Variants in BANP observed in about 807,000 individuals in gnomAD.
BANP encodes protein BANP.
Under a neutral mutation model 68.1 loss-of-function variants are expected in BANP, and 11 were observed. The observed-to-expected ratio is 0.16, with a 90% CI of 0.10 to 0.27. The LOEUF (loss-of-function observed/expected upper bound fraction) is 0.27, where lower values mean the gene tolerates loss of function less well. BANP is among the 10% of genes least tolerant of loss of function. The pLI is 1.00. For synonymous variants in BANP, 329 were observed against 303.2 expected, an observed-to-expected ratio of 1.09 and a Z score of -0.88; for missense variants, 504 against 722.7, an observed-to-expected ratio of 0.70 and a Z score of 3.47.
chr16:88,018,769 G>A lies in BANP; in HGVS notation c.895+102G>A. On this transcript the variant is annotated intron_variant, in intron 7 of 13. Coordinates refer to ENST00000682872, the MANE Select transcript of BANP (RefSeq NM_001386991.1). This position sits in a 1 kb window ranked among gnomAD's most constrained non-coding sequence, Gnocchi z 7.7. ...CTGGCATCAGTAGCACCGGCACGGG[G>A]CTGCGTTTCTCCAGGCGGTTTGAAA... The A allele has an allele frequency of 7.1e-7, 1 of 1,404,532 alleles. No individual in the cohort carries two copies. The highest frequency in any genetic ancestry group is 9.5e-7 in the Non-Finnish European group (1 of 1,050,232). The allele number at this position is 1,404,532 out of a possible 1,614,324, so 87.0% of individuals were successfully genotyped here.
At chr16:87,986,243 C>T (rs1281285355) in intron 4 of BANP, among the ~76,000 whole-genome samples, 11 of 152,348 alleles carry the variant, frequency 7.2e-5, no homozygotes, top group South Asian at 2.1e-4. Flanking sequence ...TGCGTGCTGG[C>T]GGACAGCTGC....
intron 11 of BANP, among the ~76,000 whole-genome samples, chr16:88,046,780 A>G (rs2082113610): frequency 6.6e-6 from 1 of 151,852 alleles, no homozygotes; most frequent in Admixed American, 6.6e-5. Flanking sequence ...AATCCATATC[A>G]TGTTGGCCGG....
At chr16:88,052,007 T>C (rs2083368478) in intron 11 of BANP, among the ~76,000 whole-genome samples, 1 of 152,228 alleles carries the variant, frequency 6.6e-6, no homozygotes, top group African/African-American at 2.4e-5. Context: ...CTGGAATTGG[T>C]AGCTGCTACT....
At chr16:88,068,266 TCCTGGCGGTCACCTGGTTGGCGTGAA>T (rs1323119604) in intron 12 of BANP, among the ~76,000 whole-genome samples, 1 of 152,224 alleles carries the variant, frequency 6.6e-6, no homozygotes, top group Non-Finnish European at 1.5e-5. Context: ...GGCTTGGGTT[TCCTGGCGGTCACCTGGTTGGCGTGAA>T]CCTTGGGCGT....
chr16:88,059,429 T>C (rs951738448), intron 11 of BANP, among the ~76,000 whole-genome samples: 2 of 152,182 alleles, frequency 1.3e-5, no homozygotes, highest in East Asian at 3.9e-4. Context: ...CGGGCCCACC[T>C]GAGCCCAGTG....
rs529274864 is a variant in BANP, at chr16:88,076,799, G to T, written c.*138G>T. 6 of 689,468 alleles carry T rather than the reference G, an allele frequency of 8.7e-6. No homozygotes were observed. Among genetic ancestry groups the T allele is most frequent in the South Asian group, 5.8e-5 (3 of 51,600 alleles). 42.7% of individuals were successfully genotyped at this position (689,468 alleles called of 1,614,324 possible). A position where few individuals can be genotyped will look rare whatever the true frequency, so the allele number is the denominator to read the frequency against. On this transcript the variant is annotated 3_prime_UTR_variant, in exon 14 of 14. Transcript: ENST00000682872. Reference sequence around the variant, plus strand: ...TGCGTCTGAAGGCCGCTGCCTCCGCGGGGAACAGCATCCTATCAACTGAAA... The same window carrying T: ...TGCGTCTGAAGGCCGCTGCCTCCGCTGGGAACAGCATCCTATCAACTGAAA...
At chr16:88,020,552 T>C (rs1224023361) in intron 7 of BANP, among the ~76,000 whole-genome samples, 1 of 152,058 alleles carries the variant, frequency 6.6e-6, no homozygotes, top group African/African-American at 2.4e-5. Context: ...AGAGGTGGCA[T>C]TGTGGGGTGT....
At chr16:88,027,812 C>A (rs1185787242) in intron 8 of BANP, among the ~76,000 whole-genome samples, 162 bp downstream of exon 8, 3 of 152,266 alleles carry the variant, frequency 2.0e-5, no homozygotes, top group African/African-American at 7.2e-5. Flanking sequence ...GCCGCAGGAC[C>A]TGTGCCTGGC....
chr16:87,967,660 C>A (rs1416466625), intron 1 of BANP, among the ~76,000 whole-genome samples: 4 of 141,808 alleles, frequency 2.8e-5, no homozygotes, highest in Non-Finnish European at 6.0e-5. Flanking sequence ...CTCACTCTGT[C>A]GCCCAGGCTG....
intron 11 of BANP, among the ~76,000 whole-genome samples, chr16:88,044,553 C>T (rs2081525274): frequency 6.6e-6 from 1 of 152,336 alleles, no homozygotes; most frequent in Middle Eastern, 3.4e-3. Flanking sequence ...TTGCAACCCA[C>T]ACTTTGAAAA....
At chr16:87,949,857 T>C (rs2056634463), upstream of BANP, 1 of 151,918 alleles carries the variant, frequency 6.6e-6, no homozygotes, top group Non-Finnish European at 1.5e-5. Context: ...AGGTAAAGCA[T>C]TTTGTTTTTC....
chr16:87,951,461 G>A lies in BANP; in HGVS notation c.-123G>A, dbSNP rs1157604111. 4 of 152,258 alleles carry A rather than the reference G, an allele frequency of 2.6e-5. No homozygotes were observed. In the East Asian group the frequency reaches 7.8e-4, roughly 30 times the overall value. 9.4% of individuals were successfully genotyped at this position (152,258 alleles called of 1,614,324 possible). On this transcript the variant is annotated 5_prime_UTR_variant, in exon 1 of 14. Coordinates refer to ENST00000682872, the MANE Select transcript of BANP (RefSeq NM_001386991.1). ...AGCGGCGGCTTCTCTCGCGAGGACG[G>A]ACGCCATTATCGCATCTCCCCGACA...
chr16:88,003,686 T>C lies in BANP; in HGVS notation c.363-609T>C. ...CCATGGTCTGTTCTTTTGTAGAATC[T>C]TTTCCTTCAAAGCAGAACCCTGAGC... On this transcript the variant is annotated intron_variant, in intron 4 of 13. Transcript: ENST00000682872. The surrounding 1 kb of genome is among the most constrained non-coding windows in gnomAD (Gnocchi z 6.1). 2.8e-6 allele frequency: 1 copy of C among 358,598 alleles called. No individual in the cohort carries two copies. Among genetic ancestry groups the C allele is most frequent in the South Asian group, 2.1e-5 (1 of 47,262 alleles). The allele number at this position is 358,598 out of a possible 1,614,324, so 22.2% of individuals were successfully genotyped here.
rs145901352 is a variant in BANP at position 87,966,093 on chromosome 16, C to A, written c.-68-8955C>A. 3.1e-3 allele frequency among the ~76,000 whole-genome samples: 468 copies of A among 152,356 alleles called. 1 individual carries two copies. Among genetic ancestry groups the A allele is most frequent in the African/African-American group, 0.011 (449 of 41,582 alleles). ...CGCTGTGCAGCTTTCCATTTGTATG[C>A]CTTCCTTTTGCTATCATATTCTGGA... On this transcript the variant is annotated intron_variant, in intron 1 of 13. Coordinates refer to ENST00000682872, the MANE Select transcript of BANP (RefSeq NM_001386991.1).
intron 8 of BANP, among the ~76,000 whole-genome samples, chr16:88,030,368 T>TA (rs1173715772): frequency 6.6e-6 from 1 of 152,090 alleles, no homozygotes; most frequent in Non-Finnish European, 1.5e-5. Flanking sequence ...ATAGAAGACA[T>TA]AAAAAAGAAC....
At chr16:87,978,442 C>T in intron 2 of BANP, 1 of 352,134 alleles carries the variant, frequency 2.8e-6, no homozygotes, top group East Asian at 7.5e-5. Flanking sequence ...TCTTCCAGGC[C>T]TTGTGTGATG....
chr16:87,986,188 G>A (rs2064368688), intron 4 of BANP, among the ~76,000 whole-genome samples: 1 of 152,158 alleles, frequency 6.6e-6, no homozygotes, highest in South Asian at 2.1e-4. Context: ...CTGTTTTAAG[G>A]AATTAAACAC....
At position 88,076,626 on chromosome 16, in the gene BANP, A is replaced by G. The variant is rs1286119197; in HGVS notation, c.1558A>G (p.Met520Val). ...EALQPTLQPE[M>V]QLEHGAIQIQ Reference sequence around the variant, plus strand: ...CCTGCAGCCCACGCTACAGCCGGAGATGCAGCTCGAGCACGGGGCCATCCA... The same window carrying G: ...CCTGCAGCCCACGCTACAGCCGGAGGTGCAGCTCGAGCACGGGGCCATCCA... Residue 520 changes from methionine (M) to valine (V), a missense_variant, in exon 14 of 14, where the codon ATG becomes GTG. Met to Val is a conservative substitution (Grantham distance 21). Around this residue, in one of 3 missense-constraint regions of BANP, gnomAD observed 223 missense variants for 246.2 expected, o/e 0.91. Coordinates refer to ENST00000682872, the MANE Select transcript of BANP (RefSeq NM_001386991.1). 3.1e-6 allele frequency: 5 copies of G among 1,611,516 alleles called. No homozygotes were observed. Among genetic ancestry groups the G allele is most frequent in the Non-Finnish European group, 4.2e-6 (5 of 1,179,696 alleles).
chr16:88,035,023 G>A lies in BANP; in HGVS notation c.1201-300G>A, dbSNP rs192273856. 2.8e-3 allele frequency: 949 copies of A among 343,652 alleles called. 11 individuals carry two copies. Among genetic ancestry groups the A allele is most frequent in the South Asian group, 7.7e-3 (230 of 29,934 alleles). The allele number at this position is 343,652 out of a possible 1,614,324, so 21.3% of individuals were successfully genotyped here. On this transcript the variant is annotated intron_variant, in intron 9 of 13. Transcript: ENST00000682872. ...CCTTTGTCCAGCATGTCCAAGCTGT[G>A]TGGCACATATGGGCGGGAAAAAGCA... is the stretch of plus-strand genomic sequence containing the variant.
Sources: allele counts gnomAD v4.1 joint callset (sites outside exome capture counted in the v4.1 genomes callset), GRCh38; gene constraint gnomAD v4.1.1; regional missense constraint gnomAD v4.1.1; non-coding constraint Gnocchi (gnomAD v3.1); transcripts MANE v1.5; gene names NCBI Gene and HGNC (gene_info 2026-07-23, HGNC 2026-07-21).